TBC1D8: variants seen among roughly 807,000 people sequenced by gnomAD.
TBC1D8 encodes the protein BUB2-like protein 1.
In TBC1D8, 65 loss-of-function variants were observed where a neutral mutation model predicts 118.8. The observed-to-expected ratio is 0.55, with a 90% CI of 0.45 to 0.67. The LOEUF (loss-of-function observed/expected upper bound fraction) is 0.67, where lower values mean the gene tolerates loss of function less well. Among genes scored for constraint, TBC1D8 ranks in the 30% least tolerant of loss-of-function variants. The probability of loss-of-function intolerance (pLI) is 0.00; values close to 1 mark genes in which losing one functional copy is unlikely to be tolerated. For missense variants in TBC1D8, 1,376 were observed against 1,471.2 expected, an observed-to-expected ratio of 0.94 and a Z score of 1.06; for synonymous variants, 566 against 595.8, an observed-to-expected ratio of 0.95 and a Z score of 0.73.
At chr2:101,087,695 G>A (rs924104246) in intron 2 of TBC1D8, among the ~76,000 whole-genome samples, 2 of 147,134 alleles carry the variant, frequency 1.4e-5, no homozygotes, top group East Asian at 2.0e-4. Context: ...CTGAGTAAAA[G>A]CATTAAATCA....
intron 1 of TBC1D8, among the ~76,000 whole-genome samples, chr2:101,114,097 C>G (rs1558715243): frequency 6.6e-6 from 1 of 152,212 alleles, no homozygotes; most frequent in Non-Finnish European, 1.5e-5. Context: ...TTCCATTCAT[C>G]TTGAAAATGT....
At chr2:101,011,164 A>G in intron 18 of TBC1D8, 138 bp from the exon 19 acceptor site, 1 of 848,140 alleles carries the variant, frequency 1.2e-6, no homozygotes, top group South Asian at 1.7e-5. Flanking sequence ...AAAGCAAGAG[A>G]TTCCCCTGGA....
chr2:101,099,611 A>G (rs914848731), intron 1 of TBC1D8, among the ~76,000 whole-genome samples: 7 of 152,220 alleles, frequency 4.6e-5, no homozygotes, highest in Middle Eastern at 3.2e-3. Context: ...AAAAATCCTC[A>G]ATAACATACT....
chr2:101,074,422 A>C (rs555243410), intron 2 of TBC1D8, among the ~76,000 whole-genome samples: 21 of 152,372 alleles, frequency 1.4e-4, no homozygotes, highest in Admixed American at 5.9e-4. Context: ...TATGACAGAG[A>C]CACAAAGTGA....
chr2:101,144,471 G>C (rs1679241697), intron 1 of TBC1D8, among the ~76,000 whole-genome samples: 1 of 152,204 alleles, frequency 6.6e-6, no homozygotes, highest in Non-Finnish European at 1.5e-5. Context: ...GTGCTTAAGA[G>C]CAGAAGGGGG....
At chr2:101,072,699 G>A (rs1674531609) in intron 2 of TBC1D8, among the ~76,000 whole-genome samples, 1 of 152,146 alleles carries the variant, frequency 6.6e-6, no homozygotes, top group Admixed American at 6.5e-5. Flanking sequence ...AGAGTCTAAT[G>A]CCACCACTGA....
chr2:101,021,792 C>A (rs1299602592), intron 16 of TBC1D8, 46 bp from the exon 17 acceptor site: 2 of 1,272,226 alleles, frequency 1.6e-6, no homozygotes, highest in African/African-American at 1.5e-5. Flanking sequence ...TGCTGAAAGT[C>A]CATTTGTCAG....
chr2:101,011,456 G>T lies in TBC1D8; in HGVS notation c.2912C>A (p.Pro971His), dbSNP rs751146917. 6.3e-5 allele frequency: 102 copies of T among 1,613,754 alleles called. 1 individual carries two copies. Among genetic ancestry groups the T allele is most frequent in the Non-Finnish European group, 8.1e-5 (96 of 1,179,834 alleles). ...STSRPLVFGK[P>H]NGDAVDYQKQ... ...CAATGAAAAGAGGTACGTGCCATTG[G>T]GTTTCCCGAAAACCAGGGGTCTCGA... is the stretch of plus-strand genomic sequence containing the variant. Residue 971 changes from proline to histidine, a missense_variant, in exon 18 of 20, where the codon CCC becomes CAC. Transcript: ENST00000409318.
chr2:101,028,534 C>T (rs1680486311), intron 12 of TBC1D8, 102 bp from the exon 13 acceptor site: 3 of 1,450,518 alleles, frequency 2.1e-6, no homozygotes, highest in Non-Finnish European at 2.7e-6. Flanking sequence ...TTCCAAACAC[C>T]AACACCTGGG....
intron 19 of TBC1D8, among the ~76,000 whole-genome samples, chr2:101,008,992 G>C (rs892475649): frequency 1.2e-4 from 19 of 152,198 alleles, no homozygotes; most frequent in Admixed American, 5.2e-4. Flanking sequence ...GATGCCTGTT[G>C]TTTTCTCAGT....
chr2:101,016,080 A>C (rs945876604), intron 17 of TBC1D8, among the ~76,000 whole-genome samples: 4 of 152,074 alleles, frequency 2.6e-5, no homozygotes, highest in African/African-American at 7.2e-5. Context: ...AATGGGATCT[A>C]ATTAAACTAA....
At chr2:101,048,433 CA>C (rs1681844673) in intron 5 of TBC1D8, among the ~76,000 whole-genome samples, 1 of 152,166 alleles carries the variant, frequency 6.6e-6, no homozygotes, top group African/African-American at 2.4e-5. Flanking sequence ...TGTCCTTTCA[CA>C]GGGGGCAACG....
intron 1 of TBC1D8, among the ~76,000 whole-genome samples, chr2:101,122,931 AAACATC>A (rs56723645): frequency 0.15 from 22,396 of 151,986 alleles, 1,992 homozygotes; most frequent in East Asian, 0.27. Flanking sequence ...TGTTGGAGAA[AAACATC>A]AGGCCCCGCA....
intron 1 of TBC1D8, among the ~76,000 whole-genome samples, chr2:101,099,955 A>T (rs1297247169): frequency 2.6e-5 from 4 of 152,184 alleles, no homozygotes; most frequent in African/African-American, 7.2e-5. Flanking sequence ...CCAGTATAAG[A>T]CAAGGATGCC....
chr2:101,058,926 G>A (rs1259852938), intron 3 of TBC1D8, among the ~76,000 whole-genome samples: 1 of 146,754 alleles, frequency 6.8e-6, no homozygotes, highest in Non-Finnish European at 1.5e-5. Context: ...TTTTTTTTGA[G>A]ACAGAGTCTC....
At chr2:101,040,886 C>G (rs922727560) in intron 5 of TBC1D8, among the ~76,000 whole-genome samples, 1 of 152,268 alleles carries the variant, frequency 6.6e-6, no homozygotes, top group African/African-American at 2.4e-5. Context: ...CATGGCCAAC[C>G]TTCAGAACAA....
rs374818028 is a variant in TBC1D8 at position 101,123,560 on chromosome 2, C to A, written c.127+27567G>T. On this transcript the variant is annotated intron_variant, in intron 1 of 19. Transcript: ENST00000409318. ...TACCTGATCTCACCTGCCCCCGTGACAATCTGTGGAAGCTGTGTTCTTGGG... is the reference window on the plus strand; with the variant it reads ...TACCTGATCTCACCTGCCCCCGTGAAAATCTGTGGAAGCTGTGTTCTTGGG... Among the ~76,000 whole-genome samples, 43 of 152,308 alleles carry A rather than the reference C, an allele frequency of 2.8e-4. No individual in the cohort carries two copies. The Middle Eastern group carries it at 0.014, about 48-fold the overall frequency.
chr2:101,044,998 C>T (rs764931726), intron 5 of TBC1D8, among the ~76,000 whole-genome samples: 1 of 152,178 alleles, frequency 6.6e-6, no homozygotes, highest in Non-Finnish European at 1.5e-5. Context: ...CTGCCCACCT[C>T]GGCCTCCCAA....
In TBC1D8 at chr2:101,007,319, T is replaced by G. The variant is rs1384442687; in HGVS notation, c.*502A>C. ...AACATTTTTGGAAGGACATATAAAG[T>G]GAATACAACCAAATATATTAAAATG... is the stretch of plus-strand genomic sequence containing the variant. On this transcript the variant is annotated 3_prime_UTR_variant, in exon 20 of 20. Coordinates refer to ENST00000409318, the MANE Select transcript of TBC1D8 (RefSeq NM_001330348.2). 6.5e-6 allele frequency: 1 copy of G among 153,670 alleles called. No individual in the cohort carries two copies. Among genetic ancestry groups the G allele is most frequent in the East Asian group, 1.9e-4 (1 of 5,254 alleles). The allele number at this position is 153,670 out of a possible 1,614,324, so 9.5% of individuals were successfully genotyped here.
Sources: allele counts gnomAD v4.1 joint callset (sites outside exome capture counted in the v4.1 genomes callset), GRCh38; gene constraint gnomAD v4.1.1; transcripts MANE v1.5; gene names NCBI Gene and HGNC (gene_info 2026-07-23, HGNC 2026-07-21).